NAV2: variants seen among roughly 807,000 people sequenced by gnomAD.
NAV2 encodes the protein helicase, APC down-regulated 1.
In NAV2, 54 loss-of-function variants were observed where a neutral mutation model predicts 223.2. That is an observed-to-expected ratio of 0.24 (90% CI 0.19 to 0.30). The LOEUF (loss-of-function observed/expected upper bound fraction) is 0.30. NAV2 is among the 10% of genes least tolerant of loss of function. The pLI, the probability that NAV2 is intolerant of heterozygous loss-of-function variation, is 1.00. For missense variants in NAV2, 2,806 were observed against 3,147.5 expected (o/e 0.89, Z 2.60); for synonymous variants, 1,279 against 1,239.3 (o/e 1.03, Z -0.67).
At chr11:20,115,960 C>T (rs1021903370) in intron 37 of NAV2, among the ~76,000 whole-genome samples, 2 of 152,026 alleles carry the variant, frequency 1.3e-5, no homozygotes, top group Non-Finnish European at 1.5e-5. Context: ...TATTTCTAAT[C>T]GATTGTAGTA....
chr11:19,984,480 A>G (rs570866033), intron 11 of NAV2, among the ~76,000 whole-genome samples: 1 of 152,268 alleles, frequency 6.6e-6, no homozygotes, highest in East Asian at 1.9e-4. Flanking sequence ...GCAGTAACAC[A>G]GGGAGTTCAG....
upstream of NAV2, chr11:19,712,621 G>C (rs2049948721): frequency 6.6e-6 from 1 of 152,226 alleles, no homozygotes; most frequent in Non-Finnish European, 1.5e-5. Context: ...GGGCCCCCCG[G>C]GAGGCGCGCG....
At chr11:19,791,764 G>A (rs1458464171) in intron 1 of NAV2, among the ~76,000 whole-genome samples, 1 of 152,210 alleles carries the variant, frequency 6.6e-6, no homozygotes, top group Non-Finnish European at 1.5e-5. Flanking sequence ...AGGCAGCAAG[G>A]TGTGGGGAAA....
intron 15 of NAV2, chr11:20,049,426 C>T (rs1033075330): frequency 4.0e-5 from 22 of 546,326 alleles, no homozygotes; most frequent in South Asian, 1.4e-4. Context: ...CTCAGTCTCT[C>T]GGGGGCAGAT....
chr11:19,949,399 G>A (rs956467330), intron 10 of NAV2, among the ~76,000 whole-genome samples: 3 of 152,220 alleles, frequency 2.0e-5, no homozygotes, highest in Admixed American at 2.0e-4. Context: ...GGGCCTATGA[G>A]ATCTGGCCTG....
intron 14 of NAV2, among the ~76,000 whole-genome samples, chr11:20,048,085 G>A (rs2057628894): frequency 6.6e-6 from 1 of 152,194 alleles, no homozygotes; most frequent in African/African-American, 2.4e-5. Context: ...CACCCAGTGT[G>A]TCTGGTCTAA....
At chr11:20,091,731 A>G (rs2060866087) in intron 27 of NAV2, among the ~76,000 whole-genome samples, 1 of 152,092 alleles carries the variant, frequency 6.6e-6, no homozygotes. Context: ...AGTGTTTCAC[A>G]AAGGAGGTTC....
intron 6 of NAV2, among the ~76,000 whole-genome samples, chr11:19,925,532 C>T (rs1004536867): frequency 3.3e-5 from 5 of 152,122 alleles, no homozygotes; most frequent in African/African-American, 9.7e-5. Context: ...GGGTAGATCA[C>T]GAGGTCAGGG....
intron 18 of NAV2, among the ~76,000 whole-genome samples, 163 bp downstream of exon 18, chr11:20,054,403 C>T (rs537646608): frequency 6.6e-6 from 1 of 152,276 alleles, no homozygotes; most frequent in East Asian, 1.9e-4. Context: ...GTGCACCCAT[C>T]ACTTGAGTTA....
At chr11:19,643,597 T>C (rs1247606386) in intron 1 of NAV2, among the ~76,000 whole-genome samples, 4 of 152,164 alleles carry the variant, frequency 2.6e-5, no homozygotes, top group East Asian at 3.9e-4. Context: ...CAAGTCTTTG[T>C]AATTGTGAAT....
chr11:20,004,077 T>G (rs1438642404), intron 11 of NAV2, among the ~76,000 whole-genome samples: 4 of 152,092 alleles, frequency 2.6e-5, no homozygotes, highest in Non-Finnish European at 5.9e-5. Flanking sequence ...GAAAATTGGT[T>G]CCCAAACACC....
chr11:19,982,476 A>G (rs7112829), intron 10 of NAV2, among the ~76,000 whole-genome samples: 31,963 of 152,096 alleles, frequency 0.21, 3,481 homozygotes, highest in African/African-American at 0.27. Flanking sequence ...ATGGTTTTTA[A>G]TGTATTCACA....
At chr11:19,672,694 G>C (rs1481557421) in intron 1 of NAV2, among the ~76,000 whole-genome samples, 1 of 152,118 alleles carries the variant, frequency 6.6e-6, no homozygotes, top group Non-Finnish European at 1.5e-5. Flanking sequence ...TGGGGAAGGA[G>C]CCTAAGAGAT....
chr11:19,728,906 C>T (rs1005865497), intron 1 of NAV2, among the ~76,000 whole-genome samples: 4 of 152,076 alleles, frequency 2.6e-5, no homozygotes, highest in East Asian at 3.9e-4. Context: ...TAGCAAGGAA[C>T]GTATGCAGAG....
chr11:19,774,900 G>A (rs2056028440), intron 1 of NAV2, among the ~76,000 whole-genome samples: 1 of 152,158 alleles, frequency 6.6e-6, no homozygotes, highest in Non-Finnish European at 1.5e-5. Context: ...TTGGAAACTA[G>A]TTGCTCATTC....
chr11:19,847,295 C>T (rs776678390), intron 3 of NAV2, among the ~76,000 whole-genome samples: 2 of 152,186 alleles, frequency 1.3e-5, no homozygotes, highest in Non-Finnish European at 2.9e-5. Flanking sequence ...TTATTTTAAG[C>T]AGCTTGGCTG....
chr11:19,802,322 G>A (rs2058316402), intron 1 of NAV2, among the ~76,000 whole-genome samples: 1 of 152,060 alleles, frequency 6.6e-6, no homozygotes, highest in South Asian at 2.1e-4. Context: ...GGGCTTGGCT[G>A]GCCTCTTCCA....
At chr11:19,779,210 A>T (rs1346812301) in intron 1 of NAV2, among the ~76,000 whole-genome samples, 1 of 152,186 alleles carries the variant, frequency 6.6e-6, no homozygotes, top group African/African-American at 2.4e-5. Flanking sequence ...ATGGTCCACC[A>T]AAATACCCTT....
intron 3 of NAV2, among the ~76,000 whole-genome samples, chr11:19,858,963 A>G (rs909907450): frequency 1.6e-4 from 24 of 152,126 alleles, no homozygotes; most frequent in Non-Finnish European, 2.5e-4. Context: ...GTTCCAGATC[A>G]TTGACATATA....
Sources: gnomAD v4.1 joint callset for allele counts (sites outside exome capture counted in the v4.1 genomes callset) on GRCh38, gnomAD v4.1.1 for gene constraint, MANE v1.5 for transcripts, NCBI Gene and HGNC (gene_info 2026-07-23, HGNC 2026-07-21) for gene names.